The following CLVS1 variants were observed in gnomAD, a reference collection of about 807,000 sequenced individuals.
The protein encoded by CLVS1 is clavesin-1.
CLVS1 carries 10 observed loss-of-function variants against 33.1 expected under a neutral mutation model. The observed-to-expected ratio is 0.30, with a 90% CI of 0.19 to 0.51. The LOEUF is 0.51. Ranked by LOEUF, CLVS1 falls within the 20% of genes least tolerant of loss-of-function variation. CLVS1 has a pLI of 0.97. For synonymous variants in CLVS1, 163 were observed against 166.1 expected (o/e 0.98, Z 0.14); for missense variants, 343 against 433.4 (o/e 0.79, Z 1.85).
chr8:61,483,483 A>T (rs1803746795), intron 5 of CLVS1, among the ~76,000 whole-genome samples: 1 of 152,204 alleles, frequency 6.6e-6, no homozygotes, highest in Admixed American at 6.5e-5. Flanking sequence ...CCAGGACCAG[A>T]CGGATTCACA....
intron 2 of CLVS1, among the ~76,000 whole-genome samples, chr8:61,258,738 T>C (rs1809137276): frequency 6.6e-6 from 1 of 152,224 alleles, no homozygotes; most frequent in African/African-American, 2.4e-5. Flanking sequence ...AAAAGGGAGT[T>C]GTAAGTGAAT....
chr8:61,450,728 C>A (rs1174884551), intron 3 of CLVS1, among the ~76,000 whole-genome samples: 3 of 151,860 alleles, frequency 2.0e-5, no homozygotes, highest in African/African-American at 4.8e-5. Context: ...TGTAGGCCAT[C>A]AAAAATAGTT....
chr8:61,448,108 CTGT>C (rs1225755053), intron 3 of CLVS1, among the ~76,000 whole-genome samples: 3 of 151,758 alleles, frequency 2.0e-5, no homozygotes, highest in Non-Finnish European at 2.9e-5. Context: ...AATGAGAAAT[CTGT>C]TGTTATTTCA....
At chr8:61,171,222 C>A (rs943662802) in intron 2 of CLVS1, among the ~76,000 whole-genome samples, 1 of 151,900 alleles carries the variant, frequency 6.6e-6, no homozygotes, top group South Asian at 2.1e-4. Flanking sequence ...GTGGTCAATA[C>A]AAAAATCAAG....
intron 2 of CLVS1, among the ~76,000 whole-genome samples, chr8:61,270,199 A>C (rs1284270902): frequency 1.3e-5 from 2 of 152,090 alleles, no homozygotes; most frequent in Non-Finnish European, 2.9e-5. Context: ...TCAGTACCTA[A>C]TTTATTGAGA....
At chr8:61,012,688 G>C in the CLVS1 span, among the ~76,000 whole-genome samples, 6 of 152,200 alleles carry the variant, frequency 3.9e-5, no homozygotes, top group Non-Finnish European at 7.3e-5. Flanking sequence ...CTTCATCCAT[G>C]ACCAGGCTTG....
At chr8:61,134,260 G>A (rs779519663) in intron 2 of CLVS1, among the ~76,000 whole-genome samples, 7 of 152,128 alleles carry the variant, frequency 4.6e-5, no homozygotes, top group Non-Finnish European at 1.5e-5. Flanking sequence ...GAAGACCCCC[G>A]CCCTCCAGTG....
At chr8:61,324,291 G>A (rs946273582) in intron 2 of CLVS1, among the ~76,000 whole-genome samples, 10 of 152,078 alleles carry the variant, frequency 6.6e-5, no homozygotes, top group African/African-American at 2.4e-4. Context: ...TCTCATGGTG[G>A]TGAATAAGTC....
intron 2 of CLVS1, among the ~76,000 whole-genome samples, chr8:61,159,063 G>T (rs1806703210): frequency 6.6e-6 from 1 of 152,132 alleles, no homozygotes; most frequent in South Asian, 2.1e-4. Context: ...GTAGAGATGG[G>T]GGTGTCACTT....
chr8:61,275,212 T>C (rs1046721476), intron 2 of CLVS1, among the ~76,000 whole-genome samples: 3 of 152,160 alleles, frequency 2.0e-5, no homozygotes, highest in African/African-American at 2.4e-5. Context: ...TGAATTTCTT[T>C]AAGAAATACA....
At position 61,500,284 on chromosome 8, in the gene CLVS1, A is replaced by C. The variant is rs1804573437; in HGVS notation, c.*742A>C. The C allele has an allele frequency of 6.6e-6, 1 of 152,236 alleles. No homozygotes were observed. Among genetic ancestry groups the C allele is most frequent in the Non-Finnish European group, 1.5e-5 (1 of 68,036 alleles). The allele number at this position is 152,236 out of a possible 1,614,324, so 9.4% of individuals were successfully genotyped here. On this transcript the variant is annotated 3_prime_UTR_variant, in exon 6 of 6. Transcript: ENST00000325897. ...ACCACAGGCAGCTCAAAAGCCCATT[A>C]GTGCAGCATGTGTCTGCAGAGGAGA...
chr8:61,245,662 A>ATT (rs1749250148), intron 2 of CLVS1, among the ~76,000 whole-genome samples: 1 of 151,460 alleles, frequency 6.6e-6, no homozygotes, highest in Non-Finnish European at 1.5e-5. Context: ...ATCCTGTTTC[A>ATT]TTATATATAT....
At chr8:61,092,636 G>T (rs981165661) in intron 1 of CLVS1, among the ~76,000 whole-genome samples, 1 of 152,086 alleles carries the variant, frequency 6.6e-6, no homozygotes, top group African/African-American at 2.4e-5. Context: ...CATTTCCAGG[G>T]CCAGGATTCA....
intron 2 of CLVS1, among the ~76,000 whole-genome samples, chr8:61,168,110 G>A (rs542075941): frequency 3.2e-4 from 49 of 152,184 alleles, no homozygotes; most frequent in Admixed American, 9.2e-4. Flanking sequence ...GGTTTGGATC[G>A]GGACCCCTTT....
intron 1 of CLVS1, among the ~76,000 whole-genome samples, chr8:61,058,253 G>A (rs903102767): frequency 6.6e-6 from 1 of 152,120 alleles, no homozygotes; most frequent in African/African-American, 2.4e-5. Flanking sequence ...GGGTTTGATG[G>A]GATTGTGCAG....
intron 1 of CLVS1, among the ~76,000 whole-genome samples, chr8:61,099,094 T>G (rs1311677680): frequency 6.6e-6 from 1 of 152,170 alleles, no homozygotes; most frequent in Non-Finnish European, 1.5e-5. Context: ...TCATAAGGGT[T>G]AGGATTCAGT....
At chr8:61,123,749 G>C (rs745995987) in intron 1 of CLVS1, among the ~76,000 whole-genome samples, 1 of 152,164 alleles carries the variant, frequency 6.6e-6, no homozygotes, top group Non-Finnish European at 1.5e-5. Context: ...GAATGGCCTT[G>C]TGGAATGGAG....
At chr8:61,257,267 T>G (rs1378099748) in intron 2 of CLVS1, among the ~76,000 whole-genome samples, 2 of 152,242 alleles carry the variant, frequency 1.3e-5, no homozygotes, top group Non-Finnish European at 2.9e-5. Flanking sequence ...AAAATCCCTT[T>G]TGCTGTTCTG....
At chr8:61,444,321 A>G (rs1816676830) in intron 3 of CLVS1, among the ~76,000 whole-genome samples, 1 of 152,156 alleles carries the variant, frequency 6.6e-6, no homozygotes, top group African/African-American at 2.4e-5. Context: ...TTGGGGAAAA[A>G]CATTCAGTTT....
Sources: allele counts gnomAD v4.1 joint callset (sites outside exome capture counted in the v4.1 genomes callset), GRCh38; gene constraint gnomAD v4.1.1; transcripts MANE v1.5; gene names NCBI Gene and HGNC (gene_info 2026-07-23, HGNC 2026-07-21).